Variants in CAMK2D observed in about 807,000 individuals in gnomAD.
The protein encoded by CAMK2D is calcium/calmodulin-dependent protein kinase type II subunit delta.
A neutral mutation model predicts 84.0 loss-of-function variants in CAMK2D; 37 were observed. That is an observed-to-expected ratio of 0.44 (90% CI 0.34 to 0.58). CAMK2D has a LOEUF of 0.58. Among genes scored for constraint, CAMK2D ranks in the 20% least tolerant of loss-of-function variants. The pLI is 0.02. For synonymous variants in CAMK2D, 202 were observed against 212.5 expected (o/e 0.95, Z 0.43); for missense variants, 448 against 652.5 (o/e 0.69, Z 3.41).
In CAMK2D at chr4:113,470,671, G is replaced by A. The variant is rs141285911; in HGVS notation, c.1136-5067C>T. On this transcript the variant is annotated intron_variant, in intron 16 of 20. Coordinates refer to ENST00000511664, the MANE Select transcript of CAMK2D (RefSeq NM_001321571.2). ...AAAAAAAAAAAAAAGTCTTCCCTGA[G>A]CCTCATGTTAGGTCAGGTCCCCGCG... Among the ~76,000 whole-genome samples the A allele has an allele frequency of 5.9e-5, 9 of 151,618 alleles. No homozygotes were observed. The East Asian group carries it at 9.7e-4, about 16-fold the overall frequency.
chr4:113,514,010 C>A (rs1392737136), intron 10 of CAMK2D, 97 bp from the exon 11 acceptor site: 2 of 571,946 alleles, frequency 3.5e-6, no homozygotes, highest in African/African-American at 3.9e-5. Context: ...ATTAATGGTG[C>A]TGCACCTGCA....
At chr4:113,709,757 ATATATATATATATATATATATATATG>A (rs2099484741) in intron 2 of CAMK2D, among the ~76,000 whole-genome samples, 1 of 103,770 alleles carries the variant, frequency 9.6e-6, no homozygotes, top group Admixed American at 9.8e-5. Flanking sequence ...ATATATATAT[ATATATATATATATATATATATATATG>A]AGAGACTTCA....
intron 4 of CAMK2D, among the ~76,000 whole-genome samples, chr4:113,605,069 C>A: frequency 6.6e-6 from 1 of 152,122 alleles, no homozygotes; most frequent in Middle Eastern, 3.2e-3. Context: ...CCCTTATCTG[C>A]CTAAAAGCAG....
intron 2 of CAMK2D, among the ~76,000 whole-genome samples, chr4:113,744,107 TG>T: frequency 6.6e-6 from 1 of 152,344 alleles, no homozygotes; most frequent in African/African-American, 2.4e-5. Context: ...CCCAAAGTGC[TG>T]GGATTACAGG....
At chr4:113,735,241 C>CA (rs1373882512) in intron 2 of CAMK2D, among the ~76,000 whole-genome samples, 2 of 126,896 alleles carry the variant, frequency 1.6e-5, no homozygotes, top group Non-Finnish European at 3.1e-5. Flanking sequence ...CACTTGAGCT[C>CA]AAGAGTTTGA....
intron 16 of CAMK2D, 144 bp from the exon 17 acceptor site, chr4:113,465,748 T>A (rs2097452358): frequency 1.7e-6 from 1 of 604,056 alleles, no homozygotes; most frequent in African/African-American, 1.9e-5. Context: ...CCCTACAGCC[T>A]TGACCTCCTG....
intron 4 of CAMK2D, among the ~76,000 whole-genome samples, chr4:113,553,470 T>C (rs1021408123): frequency 5.9e-5 from 9 of 152,242 alleles, no homozygotes; most frequent in Admixed American, 4.6e-4. Flanking sequence ...TTTTGCTTTA[T>C]TAAGTTCTGA....
chr4:113,731,892 T>A (rs1388837322), intron 2 of CAMK2D, among the ~76,000 whole-genome samples: 2 of 151,962 alleles, frequency 1.3e-5, no homozygotes, highest in Non-Finnish European at 2.9e-5. Flanking sequence ...CCTATTGCTC[T>A]TTTTATATGG....
chr4:113,571,354 A>G (rs768634547), intron 4 of CAMK2D, among the ~76,000 whole-genome samples: 1 of 152,224 alleles, frequency 6.6e-6, no homozygotes, highest in Non-Finnish European at 1.5e-5. Flanking sequence ...TACTCACTGC[A>G]GCATTAACAA....
chr4:113,493,962 C>T (rs1327386279), intron 16 of CAMK2D, among the ~76,000 whole-genome samples: 7 of 152,156 alleles, frequency 4.6e-5, no homozygotes, highest in South Asian at 4.1e-4. Flanking sequence ...GCATTCTTCA[C>T]GTAGTTCTTG....
intron 16 of CAMK2D, among the ~76,000 whole-genome samples, chr4:113,476,554 C>T (rs2097624616): frequency 6.6e-6 from 1 of 152,072 alleles, no homozygotes; most frequent in Non-Finnish European, 1.5e-5. Flanking sequence ...CAAAATTATG[C>T]CCCCTCCTTG....
chr4:113,610,479 C>T (rs779739258), intron 3 of CAMK2D, among the ~76,000 whole-genome samples: 9 of 152,270 alleles, frequency 5.9e-5, no homozygotes, highest in Non-Finnish European at 8.8e-5. Flanking sequence ...TACAAGGAGA[C>T]TGTAGTACTC....
intron 2 of CAMK2D, among the ~76,000 whole-genome samples, chr4:113,721,555 T>C (rs1427620322): frequency 3.9e-5 from 6 of 152,170 alleles, no homozygotes; most frequent in African/African-American, 1.4e-4. Flanking sequence ...TTGCAGTAAA[T>C]GAATACCAAT....
At chr4:113,662,537 A>T (rs2099238437) in intron 2 of CAMK2D, among the ~76,000 whole-genome samples, 1 of 152,226 alleles carries the variant, frequency 6.6e-6, no homozygotes, top group African/African-American at 2.4e-5. Context: ...TGATAAGGGT[A>T]GCAGTGTATA....
rs116138818 is a variant in CAMK2D at position 113,709,740 on chromosome 4, G to A, written c.161-47968C>T. ...GGAGTAGAGTGAAAAGCTAAAAGCC[G>A]TGAACGATATATATATATATATATA... is the stretch of plus-strand genomic sequence containing the variant. On this transcript the variant is annotated intron_variant, in intron 2 of 20. Coordinates refer to ENST00000511664, the MANE Select transcript of CAMK2D (RefSeq NM_001321571.2). Among the ~76,000 whole-genome samples the A allele has an allele frequency of 6.0e-3, 311 of 51,754 alleles. 10 individuals carry two copies. The highest frequency in any genetic ancestry group is 0.034 in the African/African-American group (284 of 8,472). The allele number at this position is 51,754 out of a possible 152,430, so 34.0% of individuals were successfully genotyped here. A position where few individuals can be genotyped will look rare whatever the true frequency, so the allele number is the denominator to read the frequency against.
chr4:113,670,754 C>T (rs552019904), intron 2 of CAMK2D, among the ~76,000 whole-genome samples: 86 of 150,020 alleles, frequency 5.7e-4, no homozygotes, highest in South Asian at 1.7e-3. Context: ...CACATCTCTA[C>T]TAAAAATACA....
At chr4:113,613,504 C>T (rs969020344) in intron 3 of CAMK2D, among the ~76,000 whole-genome samples, 4 of 151,956 alleles carry the variant, frequency 2.6e-5, no homozygotes, top group African/African-American at 4.8e-5. Context: ...GTAACAAGTA[C>T]GTAACAGACA....
intron 3 of CAMK2D, among the ~76,000 whole-genome samples, chr4:113,630,400 A>C (rs2099084753): frequency 1.3e-5 from 2 of 152,202 alleles, no homozygotes; most frequent in South Asian, 4.1e-4. Flanking sequence ...TTGTTCAGTC[A>C]GGGTTCTTAG....
chr4:113,647,482 T>C (rs1256387553), intron 3 of CAMK2D, among the ~76,000 whole-genome samples: 1 of 152,268 alleles, frequency 6.6e-6, no homozygotes, highest in Non-Finnish European at 1.5e-5. Context: ...ACTCTTACTT[T>C]AAATCACTGA....
Sources: gnomAD v4.1 joint callset for allele counts (sites outside exome capture counted in the v4.1 genomes callset) on GRCh38, gnomAD v4.1.1 for gene constraint, MANE v1.5 for transcripts, NCBI Gene and HGNC (gene_info 2026-07-23, HGNC 2026-07-21) for gene names.